The following THSD7B variants were observed in gnomAD, a reference collection of about 807,000 sequenced individuals.
THSD7B encodes thrombospondin type 1 domain containing 7B, also known as thrombospondin type-1 domain-containing protein 7B.
Under a neutral mutation model 213.6 loss-of-function variants are expected in THSD7B, and 138 were observed. That is an observed-to-expected ratio of 0.65 (90% CI 0.56 to 0.74). THSD7B has a LOEUF of 0.74. Ranked by LOEUF, THSD7B falls within the 30% of genes least tolerant of loss-of-function variation. The pLI is 0.00. For synonymous variants in THSD7B, 742 were observed against 687.0 expected (o/e 1.08, Z -1.25); for missense variants, 1,931 against 1,991.5 (o/e 0.97, Z 0.58).
chr2:136,886,040 C>G (rs1558838240), intron 2 of THSD7B, among the ~76,000 whole-genome samples: 1 of 151,982 alleles, frequency 6.6e-6, no homozygotes, highest in East Asian at 1.9e-4. Context: ...ATGGTGGGAA[C>G]AAGAAGGACA....
chr2:137,317,341 C>G (rs111766901), intron 12 of THSD7B, among the ~76,000 whole-genome samples: 1 of 152,244 alleles, frequency 6.6e-6, no homozygotes, highest in South Asian at 2.1e-4. Flanking sequence ...GCCTATTTCT[C>G]GTAAACCTCT....
intron 3 of THSD7B, among the ~76,000 whole-genome samples, chr2:137,077,975 T>C (rs1176527417): frequency 6.6e-6 from 1 of 152,250 alleles, no homozygotes; most frequent in Non-Finnish European, 1.5e-5. Context: ...CATTTAAGTC[T>C]TTAATCCATC....
intron 15 of THSD7B, among the ~76,000 whole-genome samples, chr2:137,454,502 G>A (rs1687723644): frequency 6.6e-6 from 1 of 151,728 alleles, no homozygotes; most frequent in African/African-American, 2.4e-5. Context: ...AAGTATGTTT[G>A]TGGAAAGATC....
intron 5 of THSD7B, among the ~76,000 whole-genome samples, chr2:137,145,379 C>T (rs1679674109): frequency 6.6e-6 from 1 of 151,928 alleles, no homozygotes; most frequent in Non-Finnish European, 1.5e-5. Flanking sequence ...GAGTCTTGTC[C>T]TATTTGGATT....
intron 1 of THSD7B, among the ~76,000 whole-genome samples, chr2:136,784,134 C>A (rs1229845156): frequency 6.6e-6 from 1 of 152,132 alleles, no homozygotes; most frequent in Non-Finnish European, 1.5e-5. Context: ...ATCACAGTAG[C>A]AATATGATAC....
chr2:136,863,544 T>A lies in THSD7B; in HGVS notation c.-35-18600T>A, dbSNP rs369273737. ...TTTGCACCAGAAATTAATCTACTAC[T>A]GAATGAAATCAGCCGAAAGATGGCT... On this transcript the variant is annotated intron_variant, in intron 1 of 27. Transcript: ENST00000409968. Among the ~76,000 whole-genome samples the A allele has an allele frequency of 2.8e-4, 43 of 152,344 alleles. 1 individual carries two copies. The Middle Eastern group carries it at 0.014, about 48-fold the overall frequency.
At chr2:137,315,626 G>T (rs1380611227) in intron 12 of THSD7B, among the ~76,000 whole-genome samples, 1 of 151,900 alleles carries the variant, frequency 6.6e-6, no homozygotes, top group African/African-American at 2.4e-5. Flanking sequence ...TTATAGAAAA[G>T]CCCCTCTATC....
chr2:137,485,303 C>G (rs899045545), intron 15 of THSD7B, among the ~76,000 whole-genome samples: 2 of 149,008 alleles, frequency 1.3e-5, no homozygotes, highest in East Asian at 2.0e-4. Context: ...GCTTGTTTTT[C>G]TCAGGTTTGT....
At chr2:137,660,786 T>A (rs1683329149) in intron 25 of THSD7B, among the ~76,000 whole-genome samples, 1 of 152,194 alleles carries the variant, frequency 6.6e-6, no homozygotes, top group Non-Finnish European at 1.5e-5. Context: ...CACTGTGATA[T>A]GAAGATATCA....
chr2:136,893,098 G>A (rs1459713069), intron 2 of THSD7B, among the ~76,000 whole-genome samples: 2 of 152,024 alleles, frequency 1.3e-5, no homozygotes, highest in Non-Finnish European at 2.9e-5. Context: ...TCTCATTTAC[G>A]TTTTACCACT....
chr2:137,430,229 C>T (rs1687146038), intron 14 of THSD7B, among the ~76,000 whole-genome samples: 1 of 152,106 alleles, frequency 6.6e-6, no homozygotes, highest in Admixed American at 6.5e-5. Flanking sequence ...GCCTGGGTGG[C>T]AGAGCAAGAC....
intron 5 of THSD7B, among the ~76,000 whole-genome samples, chr2:137,128,780 C>T (rs1341853624): frequency 6.6e-6 from 1 of 152,154 alleles, no homozygotes; most frequent in Non-Finnish European, 1.5e-5. Context: ...TTTTTACTGA[C>T]ACTAATTTAC....
rs544861720 is a variant in THSD7B at position 136,948,915 on chromosome 2, G to C, written c.139+66598G>C. Among the ~76,000 whole-genome samples, 8 of 150,120 alleles carry C rather than the reference G, an allele frequency of 5.3e-5. No homozygotes were observed. The East Asian group carries it at 1.4e-3, about 26-fold the overall frequency. On this transcript the variant is annotated intron_variant, in intron 2 of 27. Coordinates refer to ENST00000409968, the MANE Select transcript of THSD7B (RefSeq NM_001316349.2). ...TTATGTGGTAATAATAATAATAATAGAGATATATCTTAGAATTCACTGAGT... is the reference window on the plus strand; with the variant it reads ...TTATGTGGTAATAATAATAATAATACAGATATATCTTAGAATTCACTGAGT...
intron 17 of THSD7B, among the ~76,000 whole-genome samples, chr2:137,587,329 G>A (rs1186253078): frequency 6.6e-6 from 1 of 152,128 alleles, no homozygotes; most frequent in African/African-American, 2.4e-5. Flanking sequence ...GCCTTCTTCT[G>A]TCAACTCGTC....
chr2:136,880,298 C>T (rs1683597178), intron 1 of THSD7B, among the ~76,000 whole-genome samples: 1 of 152,162 alleles, frequency 6.6e-6, no homozygotes, highest in South Asian at 2.1e-4. Context: ...AGCTCATAGT[C>T]AGATTTGCCA....
At chr2:137,428,575 ATACTTTCT>A (rs1275808860) in intron 14 of THSD7B, among the ~76,000 whole-genome samples, 5 of 152,182 alleles carry the variant, frequency 3.3e-5, no homozygotes, top group Non-Finnish European at 5.9e-5. Context: ...AATAAAATGT[ATACTTTCT>A]CTATAAAGCA....
chr2:137,134,599 G>A (rs1416451546), intron 5 of THSD7B, among the ~76,000 whole-genome samples: 1 of 152,066 alleles, frequency 6.6e-6, no homozygotes, highest in African/African-American at 2.4e-5. Context: ...TAGTCACATG[G>A]GGCAAGGGCT....
At chr2:137,599,016 A>T in intron 17 of THSD7B, among the ~76,000 whole-genome samples, 1 of 143,066 alleles carries the variant, frequency 7.0e-6, no homozygotes. Context: ...TATATCTCCC[A>T]ATGCTATCCC....
chr2:136,840,955 C>T (rs1682911092), intron 1 of THSD7B, among the ~76,000 whole-genome samples: 1 of 152,084 alleles, frequency 6.6e-6, no homozygotes, highest in Non-Finnish European at 1.5e-5. Context: ...GTGGTGCTAC[C>T]AAAGGAGAGG....
Sources: gnomAD v4.1 joint callset for allele counts (sites outside exome capture counted in the v4.1 genomes callset) on GRCh38, gnomAD v4.1.1 for gene constraint, MANE v1.5 for transcripts, NCBI Gene and HGNC (gene_info 2026-07-23, HGNC 2026-07-21) for gene names.